Variants in TSNARE1 observed in about 807,000 individuals in gnomAD.
TSNARE1 encodes t-SNARE domain-containing protein 1.
TSNARE1 carries 49 observed loss-of-function variants against 62.0 expected under a neutral mutation model. The ratio of observed to expected loss-of-function variants is 0.79; its 90% confidence interval spans 0.63 to 1.00. The LOEUF (loss-of-function observed/expected upper bound fraction) is 1.00, where lower values mean the gene tolerates loss of function less well. Ranked by LOEUF, TSNARE1 falls within the 50% of genes least tolerant of loss-of-function variation. The pLI is 0.00. For missense variants in TSNARE1, 755 were observed against 700.1 expected (o/e 1.08, Z -0.88); for synonymous variants, 328 against 294.4 (o/e 1.11, Z -1.17).
At chr8:142,240,617 T>C (rs1205809605) in intron 12 of TSNARE1, among the ~76,000 whole-genome samples, 1 of 152,166 alleles carries the variant, frequency 6.6e-6, no homozygotes, top group African/African-American at 2.4e-5. Context: ...TCTTGGCAAA[T>C]TTCAAAGAAG....
chr8:142,270,410 A>G lies in TSNARE1; in HGVS notation c.1446+4371T>C, dbSNP rs1008389194. 162 of 985,312 alleles carry G rather than the reference A, an allele frequency of 1.6e-4. No homozygotes were observed. In the African/African-American group the frequency reaches 2.7e-3, roughly 16 times the overall value. 61.0% of individuals were successfully genotyped at this position (985,312 alleles called of 1,614,324 possible). A position where few individuals can be genotyped will look rare whatever the true frequency, so the allele number is the denominator to read the frequency against. ...TCATTTTATGCTTATGTAAAAAAAT[A>G]CTTTTTGCAAGAAAAATCTACAGGT... is the stretch of plus-strand genomic sequence containing the variant. On this transcript the variant is annotated intron_variant, in intron 12 of 13. Transcript: ENST00000524325.
intron 12 of TSNARE1, among the ~76,000 whole-genome samples, chr8:142,242,970 A>AG (rs1554628046): frequency 2.7e-5 from 4 of 149,942 alleles, no homozygotes; most frequent in African/African-American, 1.0e-4. Flanking sequence ...AAAAAAAAAA[A>AG]GCTAACAGAT....
chr8:142,284,913 T>TAC lies in TSNARE1; in HGVS notation c.1291-430_1291-429dup, dbSNP rs1822426250. Among the ~76,000 whole-genome samples the TAC allele has an allele frequency of 2.0e-5, 3 of 152,146 alleles. No individual in the cohort carries two copies. In the Middle Eastern group the frequency reaches 0.01, roughly 518 times the overall value. ...GAGCAGAGAATGTCTAGGGCAGATA[T>TAC]ACCATCCCCACTTGCCTGGGTGCTC... On this transcript the variant is annotated intron_variant, in intron 10 of 13. Coordinates refer to ENST00000524325, the MANE Select transcript of TSNARE1 (RefSeq NM_145003.5).
chr8:142,323,610 T>C (rs1829801654), intron 6 of TSNARE1, among the ~76,000 whole-genome samples: 1 of 152,208 alleles, frequency 6.6e-6, no homozygotes, highest in Non-Finnish European at 1.5e-5. Flanking sequence ...GGCTGGACAC[T>C]GCTCCAAAGG....
At chr8:142,288,051 A>C (rs1036081289) in intron 10 of TSNARE1, among the ~76,000 whole-genome samples, 1 of 152,246 alleles carries the variant, frequency 6.6e-6, no homozygotes, top group Admixed American at 6.5e-5. Flanking sequence ...AGGGGCAGAG[A>C]AAGGCCACAC....
chr8:142,306,212 C>T (rs781222298), intron 9 of TSNARE1, among the ~76,000 whole-genome samples: 4 of 152,202 alleles, frequency 2.6e-5, no homozygotes, highest in Non-Finnish European at 5.9e-5. Context: ...CCCAGCCCCA[C>T]GTTAAATCAA....
At chr8:142,269,388 C>A in intron 12 of TSNARE1, 11 of 974,690 alleles carry the variant, frequency 1.1e-5, no homozygotes, top group Non-Finnish European at 1.3e-5. Context: ...TGGGGCTCAG[C>A]TAGCACCAGA....
intron 12 of TSNARE1, among the ~76,000 whole-genome samples, chr8:142,231,094 T>C (rs1310607226): frequency 2.6e-5 from 4 of 152,120 alleles, no homozygotes; most frequent in Non-Finnish European, 4.4e-5. Context: ...TATCCACCCA[T>C]CCTTCTACCC....
rs973708403 is a variant in TSNARE1 at position 142,335,043 on chromosome 8, A to G, written c.746-3212T>C. On this transcript the variant is annotated intron_variant, in intron 4 of 13. Transcript: ENST00000524325. ...AAAGATACGTTCATTTATTTAAAAC[A>G]CTATCGATTGTAAAAGCAAAATCCG... Among the ~76,000 whole-genome samples the G allele has an allele frequency of 5.3e-5, 8 of 152,352 alleles. No homozygotes were observed. In the South Asian group the frequency reaches 1.4e-3, roughly 28 times the overall value.
intron 11 of TSNARE1, chr8:142,276,086 T>C: frequency 1.0e-6 from 1 of 985,198 alleles, no homozygotes; most frequent in Non-Finnish European, 1.2e-6. Flanking sequence ...CGCAGGGCCC[T>C]AGTGGAGCCG....
Position 142,300,558 on chromosome 8 carries a change from C to T in TSNARE1, c.1218G>A (p.Ala406=), listed in dbSNP as rs780752381. 3.1e-6 allele frequency: 5 copies of T among 1,612,854 alleles called. No homozygotes were observed. The South Asian group carries it at 3.3e-5, about 11-fold the overall frequency. ...SDNMWQGQEQ[A]LLPDITEEDL... is the part of the protein sequence containing the mutation. The stretch of plus-strand genomic sequence containing the variant: ...CCTCTTCAGTGATGTCCGGGAGCAG[C>T]GCCTGCTCCTGGCCCTGCCACATGT... The change falls in exon 10 of 14, where the codon GCG becomes GCA. Residue 406 remains alanine (A), a synonymous_variant. Coordinates refer to ENST00000524325, the MANE Select transcript of TSNARE1 (RefSeq NM_145003.5).
intron 12 of TSNARE1, among the ~76,000 whole-genome samples, chr8:142,250,910 A>G (rs1393736295): frequency 6.6e-6 from 1 of 152,164 alleles, no homozygotes; most frequent in Non-Finnish European, 1.5e-5. Flanking sequence ...AGGGATGAGC[A>G]TGAATCACCA....
intron 4 of TSNARE1, among the ~76,000 whole-genome samples, chr8:142,333,431 TTAAA>T (rs1831335403): frequency 6.6e-6 from 1 of 152,180 alleles, no homozygotes; most frequent in African/African-American, 2.4e-5. Flanking sequence ...ATTAAAATTT[TTAAA>T]TAAAAGAACG....
intron 10 of TSNARE1, among the ~76,000 whole-genome samples, chr8:142,292,542 C>T (rs1823977147): frequency 6.6e-6 from 1 of 152,160 alleles, no homozygotes; most frequent in Non-Finnish European, 1.5e-5. Context: ...GCAAGCAGCT[C>T]ACCCACCGCC....
intron 12 of TSNARE1, among the ~76,000 whole-genome samples, chr8:142,235,170 C>G (rs1817343284): frequency 6.6e-6 from 1 of 151,394 alleles, no homozygotes; most frequent in South Asian, 2.1e-4. Context: ...GCCCGTGGTC[C>G]AGAGAAGGAC....
At chr8:142,374,512 A>G (rs1836173379) in intron 1 of TSNARE1, among the ~76,000 whole-genome samples, 1 of 151,536 alleles carries the variant, frequency 6.6e-6, no homozygotes, top group African/African-American at 2.4e-5. Flanking sequence ...CCCCGTCTCT[A>G]CTAAAAATAC....
chr8:142,271,099 C>G, intron 12 of TSNARE1: 3 of 986,090 alleles, frequency 3.0e-6, no homozygotes, highest in South Asian at 4.7e-5. Context: ...ATATCTCCTC[C>G]TCCACCTTCA....
At chr8:142,213,172 C>A (rs1398440757) in intron 13 of TSNARE1, among the ~76,000 whole-genome samples, 4 of 17,780 alleles carry the variant, frequency 2.2e-4, no homozygotes. Flanking sequence ...CCCTCTCTCC[C>A]CTCCCTCCCC....
At chr8:142,232,138 C>A (rs935759418) in intron 12 of TSNARE1, among the ~76,000 whole-genome samples, 12 of 152,206 alleles carry the variant, frequency 7.9e-5, no homozygotes, top group Admixed American at 6.5e-4. Flanking sequence ...CAGTTCCCGG[C>A]CTTTGACTTG....
Sources: gnomAD v4.1 joint callset for allele counts (sites outside exome capture counted in the v4.1 genomes callset) on GRCh38, gnomAD v4.1.1 for gene constraint, MANE v1.5 for transcripts, NCBI Gene and HGNC (gene_info 2026-07-23, HGNC 2026-07-21) for gene names.